Variants in NCK2 observed in about 807,000 individuals in gnomAD.
The protein encoded by NCK2 is cytoplasmic protein NCK2.
Under a neutral mutation model 33.9 loss-of-function variants are expected in NCK2, and 16 were observed. The ratio of observed to expected loss-of-function variants is 0.47; its 90% CI spans 0.32 to 0.72. NCK2 has a LOEUF of 0.72. Among genes scored for constraint, NCK2 ranks in the 30% least tolerant of loss-of-function variants. The pLI, the probability that NCK2 is intolerant of heterozygous loss-of-function variation, is 0.03. For synonymous variants in NCK2, 273 were observed against 239.9 expected (o/e 1.14, Z -1.27); for missense variants, 418 against 537.3 (o/e 0.78, Z 2.19).
intron 2 of NCK2, among the ~76,000 whole-genome samples, chr2:105,848,776 A>C (rs1264084813): frequency 6.6e-6 from 1 of 152,366 alleles, no homozygotes; most frequent in East Asian, 1.9e-4. Flanking sequence ...ATGAGTTTCC[A>C]TAAATTGATC....
rs1354633050 is a variant in NCK2 at position 105,807,250 on chromosome 2, C to CG, written c.-200-9179dup. ...GCACCTGCGTGGGAAGGGCCGCCCT[C>CG]GCAGACATCATGTTCTCTCTAAGAT... On this transcript the variant is annotated intron_variant, in intron 1 of 4. Transcript: ENST00000233154. Among the ~76,000 whole-genome samples, 8 of 152,280 alleles carry CG rather than the reference C, an allele frequency of 5.3e-5. No individual in the cohort carries two copies. In the East Asian group the frequency reaches 1.4e-3, roughly 26 times the overall value.
chr2:105,816,043 T>G (rs1227038796), intron 1 of NCK2, among the ~76,000 whole-genome samples: 2 of 146,692 alleles, frequency 1.4e-5, no homozygotes, highest in African/African-American at 2.4e-5. Context: ...TGTCGGAGCT[T>G]GCCCAGGGAA....
Position 105,881,319 on chromosome 2 carries a change from T to C in NCK2, c.227-9T>C. 1 of 1,577,102 alleles carries C rather than the reference T, an allele frequency of 6.3e-7. No individual in the cohort carries two copies. Among genetic ancestry groups the C allele is most frequent in the Non-Finnish European group, 8.6e-7 (1 of 1,164,664 alleles). On this transcript the variant is annotated splice_polypyrimidine_tract_variant and intron_variant, in intron 3 of 4. Coordinates refer to ENST00000233154, the MANE Select transcript of NCK2 (RefSeq NM_003581.5). ...CCCTGCGCCACTGAGCCTTGCTGTG[T>C]CTCCACAGGCCTCGGCAAGACGCGC...
intron 1 of NCK2, among the ~76,000 whole-genome samples, chr2:105,762,817 G>A (rs916685022): frequency 2.0e-5 from 3 of 152,186 alleles, no homozygotes; most frequent in South Asian, 2.1e-4. Context: ...AAGGAAATAC[G>A]TAGATTACTA....
chr2:105,807,961 T>A (rs1388675219), intron 1 of NCK2, among the ~76,000 whole-genome samples: 1 of 151,416 alleles, frequency 6.6e-6, no homozygotes, highest in East Asian at 2.0e-4. Context: ...TGGAGTGCAG[T>A]GTGCGATCTC....
chr2:105,816,456 G>A lies in NCK2; in HGVS notation c.-174G>A, dbSNP rs528585623. On this transcript the variant is annotated 5_prime_UTR_variant, in exon 2 of 5. Coordinates refer to ENST00000233154, the MANE Select transcript of NCK2 (RefSeq NM_003581.5). ...TTTCATGTGTTCTTTGTATACAAGC[G>A]ACGTCCCAGATTATAATTCTCTGCT... 5.9e-5 allele frequency: 9 copies of A among 152,274 alleles called. No individual in the cohort carries two copies. The South Asian group carries it at 1.7e-3, about 28-fold the overall frequency. 9.4% of individuals were successfully genotyped at this position (152,274 alleles called of 1,614,324 possible).
In NCK2 at chr2:105,881,390, G is replaced by T. The variant is rs2104659855; in HGVS notation, c.289G>T (p.Ala97Ser). Residue 97 changes from alanine to serine, a missense_variant, in exon 4 of 5, where the codon GCC becomes TCC. Transcript: ENST00000233154. ...RDASPTPSTDAEYPANGSGAD... is the reference protein window; with the variant it reads ...RDASPTPSTDSEYPANGSGAD... ...TGCGTCCCCCACGCCCAGCACGGAC[G>T]CCGAGTACCCCGCCAATGGCAGCGG... 1 of 1,611,312 alleles carries T rather than the reference G, an allele frequency of 6.2e-7. No homozygotes were observed.
intron 4 of NCK2, among the ~76,000 whole-genome samples, chr2:105,889,356 TC>T (rs1373564288): frequency 6.6e-6 from 1 of 152,218 alleles, no homozygotes; most frequent in Non-Finnish European, 1.5e-5. Context: ...TAAATGGCAT[TC>T]CCATCTTTTT....
At chr2:105,764,094 A>C (rs1405584166) in intron 1 of NCK2, among the ~76,000 whole-genome samples, 1 of 152,212 alleles carries the variant, frequency 6.6e-6, no homozygotes, top group Non-Finnish European at 1.5e-5. Context: ...GAAGCTAAGC[A>C]ATTTGTCCGA....
chr2:105,862,167 A>AT (rs1283842760), intron 3 of NCK2, among the ~76,000 whole-genome samples: 3 of 152,130 alleles, frequency 2.0e-5, no homozygotes, highest in Non-Finnish European at 2.9e-5. Context: ...ACTTACAGGC[A>AT]TTTTTTTATA....
intron 2 of NCK2, among the ~76,000 whole-genome samples, chr2:105,830,263 A>G (rs747378725): frequency 2.6e-5 from 4 of 151,728 alleles, no homozygotes; most frequent in Non-Finnish European, 4.4e-5. Context: ...CCTCTATTCT[A>G]TTCTCTACTT....
chr2:105,836,204 A>T (rs989844003), intron 2 of NCK2, among the ~76,000 whole-genome samples: 1 of 151,074 alleles, frequency 6.6e-6, no homozygotes, highest in Non-Finnish European at 1.5e-5. Context: ...TTGTATCTGT[A>T]CGTTGATATC....
At chr2:105,771,695 T>C (rs961368042) in intron 1 of NCK2, among the ~76,000 whole-genome samples, 3 of 152,238 alleles carry the variant, frequency 2.0e-5, no homozygotes, top group Non-Finnish European at 2.9e-5. Context: ...CTGATGTTTC[T>C]CAAATAGAGG....
chr2:105,757,757 G>C (rs1689638850), intron 1 of NCK2, among the ~76,000 whole-genome samples: 1 of 152,286 alleles, frequency 6.6e-6, no homozygotes, highest in East Asian at 1.9e-4. Flanking sequence ...AGCACATATG[G>C]GAAGTCCCCC....
At chr2:105,780,640 C>T (rs961852989) in intron 1 of NCK2, among the ~76,000 whole-genome samples, 17 of 152,284 alleles carry the variant, frequency 1.1e-4, no homozygotes, top group South Asian at 8.3e-4. Context: ...ATGTGTCCCT[C>T]ATATGTTGAG....
Position 105,893,358 on chromosome 2 carries a change from G to C in NCK2, c.*182G>C, listed in dbSNP as rs897071912. On this transcript the variant is annotated 3_prime_UTR_variant, in exon 5 of 5. Transcript: ENST00000233154. ...ATCCAGGCCTCACACCCACACTCGA[G>C]CCCACCCGGCCGGCCAGCTTTAGAG... 9 of 580,818 alleles carry C rather than the reference G, an allele frequency of 1.5e-5. No individual in the cohort carries two copies. The highest frequency in any genetic ancestry group is 2.7e-5 in the Non-Finnish European group (9 of 334,154). 36.0% of individuals were successfully genotyped at this position (580,818 alleles called of 1,614,324 possible).
intron 1 of NCK2, among the ~76,000 whole-genome samples, chr2:105,750,384 T>C (rs1310873638): frequency 3.0e-4 from 46 of 152,334 alleles, no homozygotes; most frequent in Admixed American, 2.9e-3. Context: ...TCTCCAAATA[T>C]AGTCACTTAG....
chr2:105,795,717 C>G (rs1454992659), intron 1 of NCK2, among the ~76,000 whole-genome samples: 1 of 152,092 alleles, frequency 6.6e-6, no homozygotes, highest in East Asian at 1.9e-4. Flanking sequence ...GGGACAGCTC[C>G]ACGACAAAGA....
chr2:105,875,881 A>T lies in NCK2; in HGVS notation c.227-5447A>T, dbSNP rs568085027. ...AAACACCGTAATTTTATGATGATAG[A>T]TTTAAAGTGCTTGAGATGCTTTTCA... On this transcript the variant is annotated intron_variant, in intron 3 of 4. Transcript: ENST00000233154. Among the ~76,000 whole-genome samples the T allele has an allele frequency of 3.9e-5, 6 of 152,342 alleles. No individual in the cohort carries two copies. In the South Asian group the frequency reaches 6.2e-4, roughly 16 times the overall value.
Sources: allele counts gnomAD v4.1 joint callset (sites outside exome capture counted in the v4.1 genomes callset), GRCh38; gene constraint gnomAD v4.1.1; transcripts MANE v1.5; gene names NCBI Gene and HGNC (gene_info 2026-07-23, HGNC 2026-07-21).